NMT2: variants seen among roughly 807,000 people sequenced by gnomAD.
NMT2 encodes the protein N-myristoyltransferase 2, also known as glycylpeptide N-tetradecanoyltransferase 2.
Under a neutral mutation model 65.4 loss-of-function variants are expected in NMT2, and 35 were observed. The ratio of observed to expected loss-of-function variants is 0.54; its 90% CI spans 0.41 to 0.71. The LOEUF is 0.71. Ranked by LOEUF, NMT2 falls within the 30% of genes least tolerant of loss-of-function variation. The pLI is 0.00. For missense variants in NMT2, 489 were observed against 611.3 expected (o/e 0.80, Z 2.11); for synonymous variants, 226 against 231.8 (o/e 0.98, Z 0.23).
chr10:15,121,010 G>T (rs1392172346), intron 8 of NMT2, among the ~76,000 whole-genome samples: 2 of 152,138 alleles, frequency 1.3e-5, no homozygotes, highest in Non-Finnish European at 2.9e-5. Flanking sequence ...TTCAGCTGTT[G>T]TCCTTGTAAA....
At chr10:15,131,458 G>GTTTC (rs1236548386) in intron 6 of NMT2, among the ~76,000 whole-genome samples, 1 of 151,924 alleles carries the variant, frequency 6.6e-6, no homozygotes, top group African/African-American at 2.4e-5. Flanking sequence ...CCGTCTTTAA[G>GTTTC]TTTCTAGATC....
intron 1 of NMT2, among the ~76,000 whole-genome samples, chr10:15,143,972 A>G (rs1361829966): frequency 6.6e-6 from 1 of 152,234 alleles, no homozygotes; most frequent in African/African-American, 2.4e-5. Flanking sequence ...AGACTATTTC[A>G]CCAAAAAATC....
chr10:15,159,588 AGACT>A (rs1039835209), intron 1 of NMT2, among the ~76,000 whole-genome samples: 1 of 152,018 alleles, frequency 6.6e-6, no homozygotes, highest in African/African-American at 2.4e-5. Flanking sequence ...CCATCGTGCC[AGACT>A]GATTTTTGTA....
intron 2 of NMT2, 44 bp downstream of exon 2, chr10:15,141,378 G>C (rs1241851768): frequency 6.2e-7 from 1 of 1,610,462 alleles, no homozygotes; most frequent in Non-Finnish European, 8.5e-7. Flanking sequence ...ACCCACTCAT[G>C]CACGAGAAAC....
At chr10:15,162,017 C>T (rs1048514773) in intron 1 of NMT2, among the ~76,000 whole-genome samples, 3 of 152,028 alleles carry the variant, frequency 2.0e-5, no homozygotes, top group Admixed American at 6.5e-5. Flanking sequence ...CTTTGGGAGA[C>T]GGAGGTGGGT....
At chr10:15,138,002 TTC>T (rs1361278398) in intron 2 of NMT2, among the ~76,000 whole-genome samples, 16 of 140,932 alleles carry the variant, frequency 1.1e-4, no homozygotes, top group Non-Finnish European at 7.9e-5. Flanking sequence ...CTTCTTCTTC[TTC>T]TTTTTTTTTT....
At chr10:15,130,878 C>T (rs1002876406) in intron 6 of NMT2, among the ~76,000 whole-genome samples, 16 of 145,452 alleles carry the variant, frequency 1.1e-4, no homozygotes, top group Non-Finnish European at 2.3e-4. Flanking sequence ...TAACCTCTTA[C>T]TCCTGGGTTC....
intron 6 of NMT2, 35 bp downstream of exon 6, chr10:15,132,782 A>G (rs1239354163): frequency 7.0e-7 from 1 of 1,424,848 alleles, no homozygotes; most frequent in Non-Finnish European, 9.7e-7. Flanking sequence ...GAAAATAAAC[A>G]TATAAAAACC....
chr10:15,163,916 A>G (rs1347370879), intron 1 of NMT2, among the ~76,000 whole-genome samples: 1 of 152,198 alleles, frequency 6.6e-6, no homozygotes, highest in East Asian at 1.9e-4. Context: ...ACGGTGGCTC[A>G]CGCCTGTAAT....
At chr10:15,129,417 C>T (rs938755196) in intron 7 of NMT2, among the ~76,000 whole-genome samples, 2 of 152,106 alleles carry the variant, frequency 1.3e-5, no homozygotes, top group Non-Finnish European at 2.9e-5. Context: ...ACTGGAATAA[C>T]CTGTGAAAGC....
intron 2 of NMT2, among the ~76,000 whole-genome samples, chr10:15,136,356 AGGAG>A (rs1231518233): frequency 6.9e-6 from 1 of 145,500 alleles, no homozygotes; most frequent in Non-Finnish European, 1.5e-5. Flanking sequence ...AAAAGAAAAA[AGGAG>A]GGAGGGAGCG....
chr10:15,147,095 C>CAAAAAAAAAAAAAAAAA (rs34668178), intron 1 of NMT2, among the ~76,000 whole-genome samples: 6 of 44,518 alleles, frequency 1.3e-4, no homozygotes, highest in Admixed American at 4.5e-4. Flanking sequence ...CTCTCGCTCT[C>CAAAAAAAAAAAAAAAAA]AAAAAAAAAA....
chr10:15,137,620 T>C (rs1220085918), intron 2 of NMT2, among the ~76,000 whole-genome samples: 1 of 152,214 alleles, frequency 6.6e-6, no homozygotes, highest in East Asian at 1.9e-4. Flanking sequence ...AATGCTTAAC[T>C]GTGCATCAGT....
chr10:15,127,243 A>T (rs895741230), intron 8 of NMT2, among the ~76,000 whole-genome samples: 2 of 144,584 alleles, frequency 1.4e-5, no homozygotes, highest in African/African-American at 5.2e-5. Context: ...TCAAAAAATA[A>T]AAAAATAAAA....
chr10:15,135,192 T>TTG (rs1554823312), intron 3 of NMT2, 82 bp downstream of exon 3: 17 of 1,247,802 alleles, frequency 1.4e-5, no homozygotes, highest in Non-Finnish European at 1.9e-5. Flanking sequence ...CTCTTTGTGT[T>TTG]TTGTTGTTGT....
intron 8 of NMT2, among the ~76,000 whole-genome samples, chr10:15,122,445 T>A (rs943097505): frequency 6.6e-6 from 1 of 150,908 alleles, no homozygotes; most frequent in Non-Finnish European, 1.5e-5. Context: ...TGAGATGGAG[T>A]CTTACTCTGT....
chr10:15,160,996 G>A (rs1454929142), intron 1 of NMT2, among the ~76,000 whole-genome samples: 1 of 145,016 alleles, frequency 6.9e-6, no homozygotes, highest in African/African-American at 2.5e-5. Flanking sequence ...TTGGGGAACC[G>A]AGTCAGGTGG....
chr10:15,111,831 T>A (rs1184210346), intron 10 of NMT2: 2 of 151,826 alleles, frequency 1.3e-5, no homozygotes, highest in East Asian at 3.9e-4. Context: ...TTAATTAATT[T>A]GAGACAGGGT....
chr10:15,161,080 TCAAA>T (rs1397230688), intron 1 of NMT2, among the ~76,000 whole-genome samples: 2 of 3,250 alleles, frequency 6.2e-4, no homozygotes, highest in African/African-American at 2.0e-3. Flanking sequence ...GCCTCAAAAA[TCAAA>T]AAAAAAAAAA....
Sources: gnomAD v4.1 joint callset for allele counts (sites outside exome capture counted in the v4.1 genomes callset) on GRCh38, gnomAD v4.1.1 for gene constraint, MANE v1.5 for transcripts, NCBI Gene and HGNC (gene_info 2026-07-23, HGNC 2026-07-21) for gene names.